DMGDH: variants seen among roughly 807,000 people sequenced by gnomAD.
The protein encoded by DMGDH is dimethylglycine dehydrogenase, mitochondrial.
In DMGDH, 76 loss-of-function variants were observed where a neutral mutation model predicts 95.2. The ratio of observed to expected loss-of-function variants is 0.80; its 90% confidence interval spans 0.66 to 0.97. DMGDH has a LOEUF of 0.97. Among genes scored for constraint, DMGDH ranks in the 50% least tolerant of loss-of-function variants. DMGDH has a pLI of 0.00. For missense variants in DMGDH, 987 were observed against 1,055.0 expected, an observed-to-expected ratio of 0.94 and a Z score of 0.89; for synonymous variants, 345 against 377.6, an observed-to-expected ratio of 0.91 and a Z score of 1.00.
At chr5:79,029,841 CTT>C (rs1208833762) in intron 11 of DMGDH, 61 bp downstream of exon 11, 34 of 1,547,244 alleles carry the variant, frequency 2.2e-5, no homozygotes, top group African/African-American at 5.5e-5. Context: ...AAAAGAAAAA[CTT>C]AATGTAAGAT....
Position 79,063,565 on chromosome 5 carries a change from A to G in DMGDH, c.276+48T>C. The G allele has an allele frequency of 1.9e-6, 3 of 1,610,310 alleles. No homozygotes were observed. The South Asian group carries it at 3.3e-5, about 18-fold the overall frequency. Reference sequence around the variant, plus strand: ...TGTGAACGGGAAGGAAATGGACTTTACTCATGCACAATTCCACGCTTATGA... The same window carrying G: ...TGTGAACGGGAAGGAAATGGACTTTGCTCATGCACAATTCCACGCTTATGA... On this transcript the variant is annotated intron_variant, in intron 2 of 15. Transcript: ENST00000255189.
chr5:79,052,904 A>T (rs1014746003), intron 4 of DMGDH, among the ~76,000 whole-genome samples: 2 of 152,164 alleles, frequency 1.3e-5, no homozygotes, highest in Admixed American at 1.3e-4. Context: ...AATGATACAA[A>T]CCCTCAGAGA....
intron 15 of DMGDH, among the ~76,000 whole-genome samples, chr5:79,001,924 T>TA (rs1753460064): frequency 2.0e-5 from 3 of 152,344 alleles, no homozygotes; most frequent in South Asian, 4.1e-4. Flanking sequence ...TAGTTCTACC[T>TA]AAAATCTTCC....
Position 79,061,728 on chromosome 5 carries a change from C to T in DMGDH, c.276+1885G>A, listed in dbSNP as rs546972475. Among the ~76,000 whole-genome samples, 29 of 151,924 alleles carry T rather than the reference C, an allele frequency of 1.9e-4. No individual in the cohort carries two copies. The South Asian group carries it at 4.6e-3, about 24-fold the overall frequency. ...TGAGGCCAGGAGTTCAAGACCAGCC[C>T]GGGCAACATAGTGAGACCCCCATTT... On this transcript the variant is annotated intron_variant, in intron 2 of 15. Transcript: ENST00000255189.
chr5:79,003,261 C>T (rs572010963), intron 15 of DMGDH, among the ~76,000 whole-genome samples: 3 of 152,248 alleles, frequency 2.0e-5, no homozygotes, highest in Non-Finnish European at 2.9e-5. Flanking sequence ...GACAAGAAGA[C>T]GTTATCTCAT....
chr5:79,047,601 G>A (rs928631861), intron 5 of DMGDH, among the ~76,000 whole-genome samples: 3 of 152,086 alleles, frequency 2.0e-5, no homozygotes, highest in Non-Finnish European at 4.4e-5. Context: ...GTACCTGCCC[G>A]CGTCCCTGAG....
At chr5:79,023,550 A>G (rs1387587204) in intron 14 of DMGDH, among the ~76,000 whole-genome samples, 1 of 152,198 alleles carries the variant, frequency 6.6e-6, no homozygotes, top group East Asian at 1.9e-4. Flanking sequence ...TGTTGGCCTG[A>G]CTCCCAGAGA....
At chr5:79,045,356 A>AT (rs886307584) in intron 5 of DMGDH, among the ~76,000 whole-genome samples, 7 of 151,986 alleles carry the variant, frequency 4.6e-5, no homozygotes, top group African/African-American at 1.5e-4. Context: ...GGTGAATGTT[A>AT]TTTTTTTCAT....
chr5:79,045,699 T>G (rs1754653081), intron 5 of DMGDH, among the ~76,000 whole-genome samples: 1 of 152,236 alleles, frequency 6.6e-6, no homozygotes, highest in Non-Finnish European at 1.5e-5. Context: ...ATAATAATTT[T>G]GAGTGATCAT....
chr5:78,998,083 C>A lies in DMGDH; in HGVS notation c.2600G>T (p.Ter867LeuextTer10). 6.2e-7 allele frequency: 1 copy of A among 1,614,020 alleles called. No homozygotes were observed. ...CAGTTGACTGCTGAAGGTCTTTTTT[C>A]AAGTTTTGTCCTTTCCACCTTTTTT... ...LQKKGGKDKT[*>L] Residue 867 changes from the stop codon to leucine (L), a stop_lost, in exon 16 of 16, where the codon TGA becomes TTA. Transcript: ENST00000255189.
intron 15 of DMGDH, among the ~76,000 whole-genome samples, chr5:79,003,817 C>T (rs1034547546): frequency 2.6e-5 from 4 of 151,998 alleles, no homozygotes; most frequent in African/African-American, 7.3e-5. Context: ...CATGGTGGCA[C>T]GCACCTGTAA....
chr5:79,013,859 C>T (rs1753686143), intron 14 of DMGDH, among the ~76,000 whole-genome samples: 2 of 152,086 alleles, frequency 1.3e-5, no homozygotes, highest in African/African-American at 4.8e-5. Flanking sequence ...AGGACAGTAC[C>T]AAAGGGGATG....
chr5:79,014,002 C>T (rs1753687596), intron 14 of DMGDH, among the ~76,000 whole-genome samples: 1 of 152,204 alleles, frequency 6.6e-6, no homozygotes, highest in South Asian at 2.1e-4. Flanking sequence ...CACTCCCACA[C>T]ACAGGTAGTT....
rs139417978 is a variant in DMGDH, at chr5:79,036,845, C to T, written c.1194-3437G>A. ...GGTGCTATGGACTGAATGTTTGTGT[C>T]CTCCCATAATGCATCTGTTGAAGCC... On this transcript the variant is annotated intron_variant, in intron 7 of 15. Transcript: ENST00000255189. Among the ~76,000 whole-genome samples, 4 of 152,132 alleles carry T rather than the reference C, an allele frequency of 2.6e-5. No homozygotes were observed. In the East Asian group the frequency reaches 7.7e-4, roughly 29 times the overall value.
chr5:79,051,214 G>A (rs142151049), intron 5 of DMGDH, 73 bp downstream of exon 5: 48 of 1,493,178 alleles, frequency 3.2e-5, no homozygotes, highest in South Asian at 1.1e-4. Flanking sequence ...TCCATCGTAC[G>A]AAACATTACG....
intron 14 of DMGDH, among the ~76,000 whole-genome samples, chr5:79,018,121 C>T (rs1355155294): frequency 6.6e-6 from 1 of 152,194 alleles, no homozygotes; most frequent in African/African-American, 2.4e-5. Context: ...AAACATGACT[C>T]ACTGCAGCCT....
At chr5:79,069,061 AC>A (rs1755465822) in intron 1 of DMGDH, among the ~76,000 whole-genome samples, 1 of 152,244 alleles carries the variant, frequency 6.6e-6, no homozygotes, top group African/African-American at 2.4e-5. Context: ...GTAATAAACA[AC>A]CAAAAACCAT....
In DMGDH at chr5:79,051,489, A is replaced by C; in HGVS notation, c.543T>G (p.Val181=). 1 of 1,613,890 alleles carries C rather than the reference A, an allele frequency of 6.2e-7. No individual in the cohort carries two copies. Among genetic ancestry groups the C allele is most frequent in the Non-Finnish European group, 8.5e-7 (1 of 1,179,808 alleles). ...EMFPLLNMNK[V]LAGLYNPGDG... is the part of the protein sequence containing the mutation. ...CTCCAGGATTATACAATCCAGCTAAAACCTAAATCAATCATACCAGAGTCA... is the reference window on the plus strand; with the variant it reads ...CTCCAGGATTATACAATCCAGCTAACACCTAAATCAATCATACCAGAGTCA... Residue 181 remains valine (V), a splice_region_variant and synonymous_variant, in exon 5 of 16, where the codon GTT becomes GTG. Coordinates refer to ENST00000255189, the MANE Select transcript of DMGDH (RefSeq NM_013391.3).
chr5:79,061,505 G>T (rs1170998767), intron 2 of DMGDH, among the ~76,000 whole-genome samples: 1 of 151,960 alleles, frequency 6.6e-6, no homozygotes, highest in East Asian at 1.9e-4. Context: ...ACTCACTTTG[G>T]TATCTTTGTG....
Sources: gnomAD v4.1 joint callset for allele counts (sites outside exome capture counted in the v4.1 genomes callset) on GRCh38, gnomAD v4.1.1 for gene constraint, MANE v1.5 for transcripts, NCBI Gene and HGNC (gene_info 2026-07-23, HGNC 2026-07-21) for gene names.